Variants in CHSY3 observed in about 807,000 individuals in gnomAD.
CHSY3 encodes the protein chondroitin sulfate synthase 3.
CHSY3 carries 35 observed loss-of-function variants against 67.2 expected under a neutral mutation model. The observed-to-expected ratio is 0.52, with a 90% confidence interval of 0.40 to 0.69. The LOEUF is 0.69. Ranked by LOEUF, CHSY3 falls within the 30% of genes least tolerant of loss-of-function variation. CHSY3 has a pLI of 0.00. For synonymous variants in CHSY3, 474 were observed against 434.7 expected (o/e 1.09, Z -1.12); for missense variants, 1,069 against 1,138.5 (o/e 0.94, Z 0.88).
At chr5:130,035,984 G>C (rs1031705715) in intron 2 of CHSY3, among the ~76,000 whole-genome samples, 3 of 138,186 alleles carry the variant, frequency 2.2e-5, no homozygotes, top group Non-Finnish European at 4.6e-5. Flanking sequence ...GTATTAAAAA[G>C]ATGTACATTC....
intron 2 of CHSY3, among the ~76,000 whole-genome samples, chr5:129,911,832 G>A (rs944890213): frequency 3.3e-5 from 5 of 152,214 alleles, no homozygotes; most frequent in East Asian, 1.9e-4. Context: ...TGACGCGGGC[G>A]GATCACTAGG....
chr5:129,963,736 A>C (rs1303858194), intron 2 of CHSY3, among the ~76,000 whole-genome samples: 1 of 150,928 alleles, frequency 6.6e-6, no homozygotes, highest in Non-Finnish European at 1.5e-5. Context: ...GAAAGTCCAC[A>C]TTTTCATTTT....
At chr5:130,117,740 G>A (rs1263353171) in intron 2 of CHSY3, among the ~76,000 whole-genome samples, 4 of 152,024 alleles carry the variant, frequency 2.6e-5, no homozygotes, top group African/African-American at 7.3e-5. Flanking sequence ...TACTTATCTG[G>A]TATCAAACAC....
chr5:130,033,327 C>T (rs1764754389), intron 2 of CHSY3, among the ~76,000 whole-genome samples: 1 of 151,904 alleles, frequency 6.6e-6, no homozygotes, highest in Non-Finnish European at 1.5e-5. Flanking sequence ...ATTCTCTTTC[C>T]TCCATTTGTT....
chr5:129,928,197 A>G (rs1581374923), intron 2 of CHSY3, among the ~76,000 whole-genome samples: 1 of 81,662 alleles, frequency 1.2e-5, no homozygotes, highest in African/African-American at 4.8e-5. Flanking sequence ...CCCTCTCCCC[A>G]CCCCCCACCC....
At chr5:130,178,251 A>ATTTTTTTT (rs1298647034) in intron 2 of CHSY3, among the ~76,000 whole-genome samples, 8 of 62,736 alleles carry the variant, frequency 1.3e-4, no homozygotes, top group South Asian at 6.2e-4. Flanking sequence ...ATATATATAT[A>ATTTTTTTT]TATTTTTTTT....
intron 2 of CHSY3, among the ~76,000 whole-genome samples, chr5:130,162,053 A>AG (rs577228094): frequency 3.3e-5 from 4 of 122,044 alleles, no homozygotes; most frequent in African/African-American, 1.7e-4. Flanking sequence ...AAAAAAAAAA[A>AG]AAAAAAAGAA....
chr5:129,940,943 G>A (rs2149594573), intron 2 of CHSY3, among the ~76,000 whole-genome samples: 1 of 152,266 alleles, frequency 6.6e-6, no homozygotes, highest in East Asian at 1.9e-4. Context: ...TGTTCAGTAG[G>A]CACGGTGGCT....
chr5:130,096,912 T>C (rs985869796), intron 2 of CHSY3, among the ~76,000 whole-genome samples: 1 of 152,164 alleles, frequency 6.6e-6, no homozygotes, highest in African/African-American at 2.4e-5. Flanking sequence ...GTATTAACAT[T>C]TTATTGCTCT....
intron 2 of CHSY3, among the ~76,000 whole-genome samples, chr5:129,984,889 ATTTG>A (rs1763133574): frequency 6.6e-6 from 1 of 151,758 alleles, no homozygotes; most frequent in Non-Finnish European, 1.5e-5. Flanking sequence ...TTGCTTGTTG[ATTTG>A]TTTAAGTTCC....
intron 2 of CHSY3, among the ~76,000 whole-genome samples, chr5:130,090,544 C>T (rs1766844806): frequency 6.6e-6 from 1 of 152,178 alleles, no homozygotes; most frequent in African/African-American, 2.4e-5. Flanking sequence ...TTGCTTGCTT[C>T]TTTCTCTGCA....
chr5:130,154,792 T>C (rs986691522), intron 2 of CHSY3, among the ~76,000 whole-genome samples: 27 of 152,268 alleles, frequency 1.8e-4, no homozygotes, highest in Admixed American at 1.6e-3. Context: ...GTTAGGAGTG[T>C]GAGATAATTA....
At chr5:130,164,676 A>C (rs1561566012) in intron 2 of CHSY3, among the ~76,000 whole-genome samples, 1 of 152,158 alleles carries the variant, frequency 6.6e-6, no homozygotes, top group African/African-American at 2.4e-5. Flanking sequence ...TCTGCCCTGC[A>C]CCATTTACAG....
chr5:130,078,515 C>T (rs947307926), intron 2 of CHSY3, among the ~76,000 whole-genome samples: 8 of 152,086 alleles, frequency 5.3e-5, no homozygotes, highest in Non-Finnish European at 7.4e-5. Context: ...AAGACTTACA[C>T]GTCAGTTTTG....
At chr5:130,127,371 G>C (rs149764087) in intron 2 of CHSY3, among the ~76,000 whole-genome samples, 36 of 152,200 alleles carry the variant, frequency 2.4e-4, no homozygotes, top group Admixed American at 1.3e-3. Flanking sequence ...ATATCCTCCT[G>C]TAAAATCTGA....
intron 2 of CHSY3, among the ~76,000 whole-genome samples, chr5:130,075,710 G>A (rs1364414590): frequency 6.6e-6 from 1 of 152,126 alleles, no homozygotes; most frequent in Non-Finnish European, 1.5e-5. Context: ...TGAAGTAATA[G>A]TGCTTGCTGT....
intron 2 of CHSY3, among the ~76,000 whole-genome samples, chr5:130,057,053 A>G (rs558798327): frequency 1.4e-5 from 2 of 148,102 alleles, no homozygotes; most frequent in Non-Finnish European, 3.0e-5. Context: ...CCTCCTGAGT[A>G]GCTGGGACTA....
chr5:130,080,528 G>T (rs890614732), intron 2 of CHSY3, among the ~76,000 whole-genome samples: 1 of 152,018 alleles, frequency 6.6e-6, no homozygotes, highest in Non-Finnish European at 1.5e-5. Flanking sequence ...GTAAAACCTG[G>T]GAATGTAAAC....
intron 2 of CHSY3, among the ~76,000 whole-genome samples, chr5:130,157,978 A>C (rs923094035): frequency 6.6e-6 from 1 of 152,226 alleles, no homozygotes; most frequent in Non-Finnish European, 1.5e-5. Context: ...GGCATTTATA[A>C]ATTGTCATGT....
Sources: allele counts gnomAD v4.1 joint callset (sites outside exome capture counted in the v4.1 genomes callset), GRCh38; gene constraint gnomAD v4.1.1; transcripts MANE v1.5; gene names NCBI Gene and HGNC (gene_info 2026-07-23, HGNC 2026-07-21).